CD99: variants seen among roughly 807,000 people sequenced by gnomAD.
The protein encoded by CD99 is CD99 molecule (Xg blood group).
CD99 carries 19 observed loss-of-function variants against 28.4 expected under a neutral mutation model. The observed-to-expected ratio is 0.67, with a 90% CI of 0.47 to 0.98. The LOEUF (loss-of-function observed/expected upper bound fraction) is 0.98. CD99 is among the 50% of genes least tolerant of loss of function. The pLI is 0.00. For missense variants in CD99, 283 were observed against 248.8 expected (o/e 1.14, Z -0.92); for synonymous variants, 103 against 92.1 (o/e 1.12, Z -0.67).
intron 8 of CD99, among the ~76,000 whole-genome samples, chrX:2,734,924 C>T (rs758745967): frequency 2.0e-4 from 30 of 152,092 alleles, no homozygotes; most frequent in African/African-American, 7.2e-4. Flanking sequence ...ATGGTTTGAT[C>T]CTCCTGTGTT....
At chrX:2,719,759 T>A (rs963617233) in intron 4 of CD99, 54 bp downstream of exon 4, 267 of 1,526,280 alleles carry the variant, frequency 1.7e-4, no homozygotes, top group Non-Finnish European at 2.4e-4. Context: ...TATCACCCAA[T>A]TATGATCATT....
At chrX:2,711,155 G>A (rs2048383593) in intron 1 of CD99, among the ~76,000 whole-genome samples, 1 of 149,772 alleles carries the variant, frequency 6.7e-6, no homozygotes, top group African/African-American at 2.4e-5. Flanking sequence ...ACAGGTGTGA[G>A]CCACCGCACC....
chrX:2,709,708 ACACATGCATGTACATAGACACG>A (rs1445257656), intron 1 of CD99, among the ~76,000 whole-genome samples: 3 of 152,250 alleles, frequency 2.0e-5, no homozygotes, highest in Admixed American at 6.5e-5. Flanking sequence ...ACATAGACAC[ACACATGCATGTACATAGACACG>A]CACATGCATG....
In CD99 at chrX:2,714,407, T is replaced by C. The variant is rs770320004; in HGVS notation, c.68-15T>C. ...TTTTTCTTGTTTCTAAGTTGACTCT[T>C]TTTTTCTCTCTTAGATGGTGGTTTC... On this transcript the variant is annotated splice_polypyrimidine_tract_variant and intron_variant, in intron 1 of 9. Coordinates refer to ENST00000381192, the MANE Select transcript of CD99 (RefSeq NM_002414.5). 3.8e-6 allele frequency: 6 copies of C among 1,575,054 alleles called. No individual in the cohort carries two copies. The highest frequency in any genetic ancestry group is 1.3e-5 in the African/African-American group (1 of 74,530).
At chrX:2,712,577 G>A (rs906029959) in intron 1 of CD99, among the ~76,000 whole-genome samples, 6 of 152,148 alleles carry the variant, frequency 3.9e-5, no homozygotes, top group South Asian at 2.1e-4. Context: ...AAGATCTGCC[G>A]CATGCTGCAG....
At chrX:2,715,066 A>G (rs311072) in intron 2 of CD99, 28,360 of 152,194 alleles carry the variant, frequency 0.19, 5,262 homozygotes, top group African/African-American at 0.48. Context: ...CAGTGCTGGC[A>G]TCCTCCCTCT....
chrX:2,692,915 C>T (rs1333010986), intron 1 of CD99, among the ~76,000 whole-genome samples: 1 of 152,174 alleles, frequency 6.6e-6, no homozygotes, highest in Admixed American at 6.5e-5. Flanking sequence ...GGCATCTGAA[C>T]AGGCAGACGG....
chrX:2,712,811 A>C (rs1164889366), intron 1 of CD99, among the ~76,000 whole-genome samples: 2 of 152,254 alleles, frequency 1.3e-5, no homozygotes, highest in South Asian at 2.1e-4. Flanking sequence ...AGACGTGGAC[A>C]CACCTACCTG....
At chrX:2,729,067 G>A (rs752742490) in intron 8 of CD99, among the ~76,000 whole-genome samples, 6 of 152,138 alleles carry the variant, frequency 3.9e-5, no homozygotes, top group South Asian at 2.1e-4. Context: ...GTGACCTCAG[G>A]TGGTTCCCCC....
intron 1 of CD99, 79 bp from the exon 2 acceptor site, chrX:2,714,343 A>G (rs754357993): frequency 9.0e-5 from 104 of 1,153,848 alleles, no homozygotes; most frequent in African/African-American, 2.5e-4. Flanking sequence ...GAAAAATCGC[A>G]TATCTTTTTT....
intron 8 of CD99, 130 bp downstream of exon 8, chrX:2,726,503 T>C (rs2049292587): frequency 2.8e-6 from 2 of 720,844 alleles, no homozygotes; most frequent in South Asian, 3.0e-5. Flanking sequence ...TTCGTGAAAC[T>C]GCTAAAATTC....
intron 8 of CD99, among the ~76,000 whole-genome samples, chrX:2,735,752 C>T (rs1046950808): frequency 2.6e-5 from 4 of 152,110 alleles, no homozygotes; most frequent in South Asian, 2.1e-4. Context: ...CGGATCATTT[C>T]GAATGTTCTT....
intron 1 of CD99, among the ~76,000 whole-genome samples, chrX:2,712,282 G>A (rs1334137120): frequency 6.6e-6 from 1 of 152,120 alleles, no homozygotes; most frequent in Admixed American, 6.6e-5. Context: ...CCATCAGATA[G>A]GAAGGGATAA....
At chrX:2,739,669 G>T (rs2050108757) in intron 9 of CD99, among the ~76,000 whole-genome samples, 1 of 151,714 alleles carries the variant, frequency 6.6e-6, no homozygotes, top group Admixed American at 6.6e-5. Context: ...GGCCAGAGTG[G>T]TCTCGAACTC....
intron 1 of CD99, among the ~76,000 whole-genome samples, chrX:2,708,955 A>G (rs1050579542): frequency 2.0e-5 from 3 of 152,166 alleles, no homozygotes; most frequent in Non-Finnish European, 2.9e-5. Context: ...TGGAAGGAAC[A>G]TGAAGTGAGC....
intron 7 of CD99, among the ~76,000 whole-genome samples, chrX:2,724,183 C>T (rs1406506422): frequency 2.0e-5 from 3 of 152,108 alleles, no homozygotes; most frequent in Non-Finnish European, 4.4e-5. Flanking sequence ...GCTAAGAAAA[C>T]ACATGTCTGG....
chrX:2,734,405 C>A (rs1238892374), intron 8 of CD99, among the ~76,000 whole-genome samples: 1 of 151,966 alleles, frequency 6.6e-6, no homozygotes, highest in African/African-American at 2.4e-5. Flanking sequence ...CTCCTGGGTT[C>A]AAGCGATTCT....
chrX:2,729,051 G>A (rs1334840555), intron 8 of CD99, among the ~76,000 whole-genome samples: 5 of 152,018 alleles, frequency 3.3e-5, no homozygotes, highest in Non-Finnish European at 7.4e-5. Context: ...CACTGGTCTC[G>A]AACTCGTGAC....
At chrX:2,719,310 G>C (rs991376546) in intron 3 of CD99, 7 of 286,580 alleles carry the variant, frequency 2.4e-5, no homozygotes, top group Admixed American at 1.4e-4. Flanking sequence ...GAGTCAACAG[G>C]AGAAAATCAT....
Sources: allele counts gnomAD v4.1 joint callset (sites outside exome capture counted in the v4.1 genomes callset), GRCh38; gene constraint gnomAD v4.1.1; transcripts MANE v1.5; gene names NCBI Gene and HGNC (gene_info 2026-07-23, HGNC 2026-07-21).